The following NCAM2 variants were observed in gnomAD, a reference collection of about 807,000 sequenced individuals.
NCAM2 encodes N-CAM-2.
A neutral mutation model predicts 98.1 loss-of-function variants in NCAM2; 30 were observed. The observed-to-expected ratio is 0.31, with a 90% CI of 0.23 to 0.41. The LOEUF is 0.41. Ranked by LOEUF, NCAM2 falls within the 10% of genes least tolerant of loss-of-function variation. NCAM2 has a pLI of 1.00. For missense variants in NCAM2, 867 were observed against 1,005.8 expected (o/e 0.86, Z 1.87); for synonymous variants, 368 against 342.4 (o/e 1.07, Z -0.83).
intron 14 of NCAM2, among the ~76,000 whole-genome samples, chr21:21,474,528 G>A (rs2155801): frequency 0.56 from 84,790 of 151,480 alleles, 25,099 homozygotes; most frequent in African/African-American, 0.7. Flanking sequence ...GGTAATTAAG[G>A]TCTCATTTTT....
chr21:21,129,752 A>G (rs566879757), intron 1 of NCAM2, among the ~76,000 whole-genome samples: 2 of 152,314 alleles, frequency 1.3e-5, no homozygotes, highest in African/African-American at 4.8e-5. Context: ...ATTTTAGAGG[A>G]GCGCAAGCAT....
chr21:21,382,383 A>G (rs2076171157), intron 9 of NCAM2, among the ~76,000 whole-genome samples: 1 of 151,944 alleles, frequency 6.6e-6, no homozygotes, highest in East Asian at 1.9e-4. Flanking sequence ...TTTCAGTTTT[A>G]TCTATCTCAT....
chr21:21,389,125 T>G (rs2076329135), intron 9 of NCAM2, among the ~76,000 whole-genome samples: 1 of 152,160 alleles, frequency 6.6e-6, no homozygotes, highest in Non-Finnish European at 1.5e-5. Flanking sequence ...GACTGGTCAT[T>G]TATAAAAGAA....
At chr21:21,004,008 G>T (rs1183614225) in intron 1 of NCAM2, among the ~76,000 whole-genome samples, 1 of 152,066 alleles carries the variant, frequency 6.6e-6, no homozygotes, top group African/African-American at 2.4e-5. Context: ...CATCAGGCTG[G>T]TGTTAAACAC....
chr21:21,214,783 A>T (rs960949536), intron 1 of NCAM2, among the ~76,000 whole-genome samples: 2 of 141,402 alleles, frequency 1.4e-5, no homozygotes, highest in African/African-American at 5.1e-5. Context: ...ATATATATAC[A>T]CATATATATA....
At chr21:21,168,242 C>A (rs78724706) in intron 1 of NCAM2, among the ~76,000 whole-genome samples, 4,604 of 151,804 alleles carry the variant, frequency 0.03, 231 homozygotes, top group African/African-American at 0.11. Context: ...CTAATAAAAT[C>A]CAACACCCAT....
chr21:21,042,946 A>C (rs1218064057), intron 1 of NCAM2, among the ~76,000 whole-genome samples: 2 of 152,218 alleles, frequency 1.3e-5, no homozygotes, highest in African/African-American at 4.8e-5. Flanking sequence ...TCCAAATATC[A>C]ATATCATCAT....
intron 2 of NCAM2, among the ~76,000 whole-genome samples, chr21:21,281,630 A>G (rs915957155): frequency 7.2e-5 from 11 of 152,064 alleles, no homozygotes; most frequent in Non-Finnish European, 1.6e-4. Flanking sequence ...ATTTAGGTAC[A>G]ATATATTCAT....
intron 1 of NCAM2, among the ~76,000 whole-genome samples, chr21:21,162,693 C>T (rs936740089): frequency 1.3e-5 from 2 of 151,852 alleles, no homozygotes; most frequent in African/African-American, 4.8e-5. Context: ...TGATTGCAGC[C>T]ATGGAAAAGA....
intron 6 of NCAM2, among the ~76,000 whole-genome samples, chr21:21,327,942 T>TC: frequency 6.6e-6 from 1 of 152,114 alleles, no homozygotes; most frequent in Non-Finnish European, 1.5e-5. Context: ...CTCTAAAGGT[T>TC]CCCCCCTTCA....
chr21:21,326,304 C>A (rs1249851771), intron 6 of NCAM2, among the ~76,000 whole-genome samples: 1 of 152,160 alleles, frequency 6.6e-6, no homozygotes, highest in Non-Finnish European at 1.5e-5. Flanking sequence ...GATTCCCCAC[C>A]TATTTATGTT....
chr21:21,245,695 T>G (rs954087541), intron 1 of NCAM2, among the ~76,000 whole-genome samples: 3 of 152,222 alleles, frequency 2.0e-5, no homozygotes, highest in African/African-American at 4.8e-5. Flanking sequence ...ATAAACTGTT[T>G]GTTTCATAAT....
chr21:21,330,762 A>G (rs2074652709), intron 6 of NCAM2, among the ~76,000 whole-genome samples: 1 of 152,110 alleles, frequency 6.6e-6, no homozygotes, highest in Admixed American at 6.6e-5. Context: ...GTAGATCAGT[A>G]CTATGAAAAT....
At chr21:21,239,896 T>C (rs2070996445) in intron 1 of NCAM2, among the ~76,000 whole-genome samples, 1 of 152,156 alleles carries the variant, frequency 6.6e-6, no homozygotes, top group Admixed American at 6.6e-5. Flanking sequence ...TGTTGGGTAA[T>C]CTCAAGTATG....
chr21:21,013,634 A>G (rs548708642), intron 1 of NCAM2, among the ~76,000 whole-genome samples: 6 of 152,262 alleles, frequency 3.9e-5, no homozygotes, highest in East Asian at 1.9e-4. Flanking sequence ...ATACAAAATT[A>G]GTGGAGCATG....
At position 21,292,362 on chromosome 21, in the gene NCAM2, A is replaced by T. The variant is rs898394470; in HGVS notation, c.619+121A>T. 2.3e-5 allele frequency: 22 copies of T among 944,476 alleles called. No homozygotes were observed. The African/African-American group carries it at 3.6e-4, about 15-fold the overall frequency. 58.5% of individuals were successfully genotyped at this position (944,476 alleles called of 1,614,324 possible). A position where few individuals can be genotyped will look rare whatever the true frequency, so the allele number is the denominator to read the frequency against. ...CTAATAAACCTCTTCTATACCAGGA[A>T]GAAATCTTTCCATCTTTATTATGGC... On this transcript the variant is annotated intron_variant, in intron 5 of 17. Transcript: ENST00000400546.
At chr21:21,388,159 G>A (rs891246857) in intron 9 of NCAM2, among the ~76,000 whole-genome samples, 7 of 152,084 alleles carry the variant, frequency 4.6e-5, no homozygotes, top group Non-Finnish European at 7.4e-5. Context: ...AAACAAGCCC[G>A]ACAACAAAGA....
At chr21:21,029,013 CAG>C (rs1915861206) in intron 1 of NCAM2, among the ~76,000 whole-genome samples, 1 of 152,112 alleles carries the variant, frequency 6.6e-6, no homozygotes, top group Non-Finnish European at 1.5e-5. Context: ...TGAATGCAAA[CAG>C]AGCCGTTTTT....
At chr21:21,170,964 C>T (rs768473037) in intron 1 of NCAM2, among the ~76,000 whole-genome samples, 1 of 151,914 alleles carries the variant, frequency 6.6e-6, no homozygotes, top group Non-Finnish European at 1.5e-5. Flanking sequence ...AAAAATGTTA[C>T]GAGTTGTGAA....
Sources: gnomAD v4.1 joint callset for allele counts (sites outside exome capture counted in the v4.1 genomes callset) on GRCh38, gnomAD v4.1.1 for gene constraint, MANE v1.5 for transcripts, NCBI Gene and HGNC (gene_info 2026-07-23, HGNC 2026-07-21) for gene names.